Variants in CATSPERT observed in about 807,000 individuals in gnomAD.
The protein encoded by CATSPERT is cation channel sperm-associated targeting subunit tau.
chr2:201,594,281 T>C, the CATSPERT span, among the ~76,000 whole-genome samples: 1 of 152,222 alleles, frequency 6.6e-6, no homozygotes, highest in Non-Finnish European at 1.5e-5. Flanking sequence ...GAAAATTCTT[T>C]TCTTTAAGAA....
the CATSPERT span, among the ~76,000 whole-genome samples, chr2:201,586,328 C>A: frequency 1.3e-5 from 2 of 151,384 alleles, no homozygotes; most frequent in East Asian, 3.9e-4. Context: ...CGTACTCAAT[C>A]CCAGAGATGA....
chr2:201,487,665 A>G, the CATSPERT span: 1,945 of 1,613,630 alleles, frequency 1.2e-3, 1 homozygote, highest in Non-Finnish European at 1.6e-3. Flanking sequence ...TCATAATCTG[A>G]TGTTTTATCA....
chr2:201,572,131 A>C, the CATSPERT span: 1 of 670,178 alleles, frequency 1.5e-6, no homozygotes, highest in Non-Finnish European at 2.5e-6. Context: ...CAGGACTATG[A>C]AATAGGCCTT....
chr2:201,587,148 T>C, the CATSPERT span, among the ~76,000 whole-genome samples: 1 of 152,216 alleles, frequency 6.6e-6, no homozygotes, highest in Non-Finnish European at 1.5e-5. Context: ...TTCTCTGTGC[T>C]ATTCTGGCCA....
At chr2:201,544,602 C>A in the CATSPERT span, among the ~76,000 whole-genome samples, 1 of 151,624 alleles carries the variant, frequency 6.6e-6, no homozygotes, top group Non-Finnish European at 1.5e-5. Context: ...TAAAAGAGAC[C>A]AATAGCTCTA....
At chr2:201,528,521 C>G in the CATSPERT span, among the ~76,000 whole-genome samples, 1 of 152,074 alleles carries the variant, frequency 6.6e-6, no homozygotes, top group Admixed American at 6.5e-5. Context: ...AGACTCCCAT[C>G]AATGGTAGAT....
chr2:201,494,571 G>T, the CATSPERT span: 5 of 1,537,152 alleles, frequency 3.3e-6, 1 homozygote, highest in South Asian at 5.9e-5. Flanking sequence ...CATGGGCCCA[G>T]GTTGTATTAG....
the CATSPERT span, among the ~76,000 whole-genome samples, chr2:201,602,362 C>T: frequency 6.6e-6 from 1 of 151,956 alleles, no homozygotes; most frequent in Non-Finnish European, 1.5e-5. Context: ...CAGAGTAAAA[C>T]AATTTTGTTT....
At chr2:201,575,091 G>A in the CATSPERT span, among the ~76,000 whole-genome samples, 1 of 150,688 alleles carries the variant, frequency 6.6e-6, no homozygotes, top group Non-Finnish European at 1.5e-5. Flanking sequence ...AGGAGGAGAA[G>A]GAGGAGATTT....
At chr2:201,550,405 A>G in the CATSPERT span, 1 of 152,210 alleles carries the variant, frequency 6.6e-6, no homozygotes, top group African/African-American at 2.4e-5. Context: ...ACTTTTTTCA[A>G]TAATTCTAGC....
At chr2:201,508,096 C>A in the CATSPERT span, among the ~76,000 whole-genome samples, 1 of 152,146 alleles carries the variant, frequency 6.6e-6, no homozygotes, top group Non-Finnish European at 1.5e-5. Context: ...AATTTCAAAG[C>A]AGCAGGAAAA....
the CATSPERT span, chr2:201,565,732 T>C: frequency 6.4e-7 from 1 of 1,564,468 alleles, no homozygotes; most frequent in Non-Finnish European, 8.6e-7. Context: ...TTTTTACCTT[T>C]CCCGGGGTTG....
At chr2:201,608,765 A>G in the CATSPERT span, among the ~76,000 whole-genome samples, 1 of 151,648 alleles carries the variant, frequency 6.6e-6, no homozygotes, top group Non-Finnish European at 1.5e-5. Flanking sequence ...TGCAGTGAAC[A>G]GTGATTATGC....
the CATSPERT span, among the ~76,000 whole-genome samples, chr2:201,586,583 G>C: frequency 6.6e-6 from 1 of 151,842 alleles, no homozygotes; most frequent in Non-Finnish European, 1.5e-5. Flanking sequence ...GTTTACAAAA[G>C]ATACAGATAA....
At chr2:201,534,230 C>A in the CATSPERT span, 1 of 203,662 alleles carries the variant, frequency 4.9e-6, no homozygotes, top group Non-Finnish European at 8.7e-6. Flanking sequence ...AGTGTTCCAG[C>A]CTAATCAAGC....
At chr2:201,489,570 C>G in the CATSPERT span, among the ~76,000 whole-genome samples, 1 of 152,018 alleles carries the variant, frequency 6.6e-6, no homozygotes, top group Non-Finnish European at 1.5e-5. Context: ...AATATTTACC[C>G]TGTTACTATA....
chr2:201,536,192 C>T, the CATSPERT span: 1 of 1,613,476 alleles, frequency 6.2e-7, no homozygotes. Context: ...AAATAGTGCA[C>T]AATGAGTGCA....
chr2:201,603,354 A>AC, the CATSPERT span: 1 of 1,257,892 alleles, frequency 7.9e-7, no homozygotes, highest in South Asian at 1.5e-5. Flanking sequence ...ACTGAGCTCT[A>AC]TTTTTAAAAA....
At chr2:201,546,532 G>A in the CATSPERT span, among the ~76,000 whole-genome samples, 1 of 152,062 alleles carries the variant, frequency 6.6e-6, no homozygotes, top group South Asian at 2.1e-4. Flanking sequence ...ACACATGAAA[G>A]ATGTTCACAT....
Sources: allele counts gnomAD v4.1 joint callset (sites outside exome capture counted in the v4.1 genomes callset), GRCh38; gene constraint gnomAD v4.1.1; transcripts MANE v1.5; gene names NCBI Gene and HGNC (gene_info 2026-07-23, HGNC 2026-07-21).